Variants in GPHN observed in about 807,000 individuals in gnomAD.
GPHN encodes gephyrin.
Under a neutral mutation model 95.5 loss-of-function variants are expected in GPHN, and 17 were observed. The observed-to-expected ratio is 0.18, with a 90% CI of 0.12 to 0.27. GPHN has a LOEUF of 0.27. GPHN is among the 10% of genes least tolerant of loss of function. GPHN has a pLI of 1.00. For synonymous variants in GPHN, 320 were observed against 322.5 expected (o/e 0.99, Z 0.08); for missense variants, 660 against 978.1 (o/e 0.67, Z 4.34).
chr14:67,282,569 A>G, the GPHN span, among the ~76,000 whole-genome samples: 2 of 152,194 alleles, frequency 1.3e-5, no homozygotes, highest in East Asian at 3.8e-4. Flanking sequence ...TGGAATTGAT[A>G]GAAAATACTC....
At chr14:66,852,406 T>G (rs1437719394) in intron 4 of GPHN, among the ~76,000 whole-genome samples, 1 of 152,246 alleles carries the variant, frequency 6.6e-6, no homozygotes, top group Non-Finnish European at 1.5e-5. Flanking sequence ...CGCGTGCGCG[T>G]GTTCACCTGT....
chr14:66,573,404 G>C (rs2060775291), intron 1 of GPHN, among the ~76,000 whole-genome samples: 2 of 146,744 alleles, frequency 1.4e-5, no homozygotes, highest in South Asian at 2.2e-4. Context: ...ACTTACAATT[G>C]TTATATTTTC....
intron 2 of GPHN, among the ~76,000 whole-genome samples, chr14:66,766,931 C>A (rs1429148808): frequency 6.6e-6 from 1 of 151,848 alleles, no homozygotes; most frequent in Admixed American, 6.6e-5. Flanking sequence ...CCATTATTTC[C>A]CCCCATTTTT....
chr14:67,335,548 T>A, the GPHN span: 2 of 152,686 alleles, frequency 1.3e-5, no homozygotes, highest in African/African-American at 4.8e-5. Context: ...TAATCCAGAT[T>A]TGCTTTCTAT....
At chr14:67,586,265 C>T in the GPHN span, 35 of 1,085,858 alleles carry the variant, frequency 3.2e-5, no homozygotes, top group East Asian at 4.5e-4. Flanking sequence ...GTTGCATCTC[C>T]GTATCAATGT....
At chr14:67,730,861 C>T in the GPHN span, among the ~76,000 whole-genome samples, 1,391 of 152,284 alleles carry the variant, frequency 9.1e-3, 47 homozygotes, top group East Asian at 0.072. Context: ...GCCTTGGCCT[C>T]CTAAAGTGCT....
In GPHN at chr14:66,508,213, T is replaced by A. The variant is rs2057863892; in HGVS notation, c.-315T>A. The A allele has an allele frequency of 3.2e-5, 17 of 524,334 alleles. No individual in the cohort carries two copies. The South Asian group carries it at 3.4e-4, about 11-fold the overall frequency. 32.5% of individuals were successfully genotyped at this position (524,334 alleles called of 1,614,324 possible). A position where few individuals can be genotyped will look rare whatever the true frequency, so the allele number is the denominator to read the frequency against. ...CGCTCCGCAGAGCGTTCCGACACTC[T>A]CCGGCCTCGTTCTGCCGCCTCCGCG... On this transcript the variant is annotated 5_prime_UTR_variant, in exon 1 of 23. Coordinates refer to ENST00000478722, the MANE Select transcript of GPHN (RefSeq NM_020806.5).
At chr14:67,249,304 CAGTAATTGT>C in the GPHN span, among the ~76,000 whole-genome samples, 7 of 152,260 alleles carry the variant, frequency 4.6e-5, no homozygotes, top group African/African-American at 1.7e-4. Context: ...GGAGAAATGA[CAGTAATTGT>C]AGTAATGTAG....
At chr14:67,589,904 C>T in the GPHN span, 56 of 1,269,256 alleles carry the variant, frequency 4.4e-5, no homozygotes, top group Non-Finnish European at 5.2e-5. Flanking sequence ...CTATAATACA[C>T]GGAAATATAC....
chr14:67,329,196 C>A, the GPHN span, among the ~76,000 whole-genome samples: 1 of 152,074 alleles, frequency 6.6e-6, no homozygotes, highest in Non-Finnish European at 1.5e-5. Flanking sequence ...CCTTCACATC[C>A]CTTGTAAGTT....
intron 1 of GPHN, among the ~76,000 whole-genome samples, chr14:66,608,909 A>G (rs1686505032): frequency 6.6e-6 from 1 of 152,150 alleles, no homozygotes; most frequent in South Asian, 2.1e-4. Context: ...TGAAGACAGC[A>G]GACAGTTGGA....
At chr14:67,161,425 G>A (rs1330556666) in intron 19 of GPHN, among the ~76,000 whole-genome samples, 1 of 151,394 alleles carries the variant, frequency 6.6e-6, no homozygotes, top group African/African-American at 2.4e-5. Context: ...TTAGGATACA[G>A]AGGATATCCC....
chr14:67,486,824 C>T, the GPHN span, among the ~76,000 whole-genome samples: 1 of 152,174 alleles, frequency 6.6e-6, no homozygotes, highest in African/African-American at 2.4e-5. Context: ...TAAGACGGCT[C>T]CCGCATGTGA....
chr14:67,089,038 C>T lies in GPHN; in HGVS notation c.1200C>T (p.Pro400=). The change falls in exon 12 of 23, where the codon CCC becomes CCT. Residue 400 remains proline (P), a synonymous_variant. Transcript: ENST00000478722. The part of the protein sequence containing the change: ...QDVYAKDNLP[P]FPASVKDGYA... ...TATATGCAAAAGACAATTTACCCCC[C>T]TTCCCAGCATCAGTAAAAGATGGCT... 1 of 1,604,002 alleles carries T rather than the reference C, an allele frequency of 6.2e-7. No homozygotes were observed. The highest frequency in any genetic ancestry group is 8.5e-7 in the Non-Finnish European group (1 of 1,170,884).
chr14:67,685,150 A>T, the GPHN span: 1 of 1,614,078 alleles, frequency 6.2e-7, no homozygotes, highest in Non-Finnish European at 8.5e-7. Context: ...TGAGTGCCGA[A>T]CCAGTTCAGA....
In GPHN at chr14:66,531,739, A is replaced by G. The variant is rs192765335; in HGVS notation, c.64+23148A>G. 3.0e-3 allele frequency among the ~76,000 whole-genome samples: 458 copies of G among 152,344 alleles called. 2 individuals carry two copies. The highest frequency in any genetic ancestry group is 0.014 in the South Asian group (66 of 4,828). Reference sequence around the variant, plus strand: ...CTTTGCATGGTGTTAGGCTAAAACTACTAAGTATTTATAATGTTATGCTTT... The same window carrying G: ...CTTTGCATGGTGTTAGGCTAAAACTGCTAAGTATTTATAATGTTATGCTTT... On this transcript the variant is annotated intron_variant, in intron 1 of 22. Transcript: ENST00000478722.
At chr14:66,573,760 A>G (rs1220294936) in intron 1 of GPHN, among the ~76,000 whole-genome samples, 1 of 151,848 alleles carries the variant, frequency 6.6e-6, no homozygotes, top group Non-Finnish European at 1.5e-5. Context: ...CAGCCTATAT[A>G]ATGACTTTTT....
chr14:66,971,960 A>C (rs544282855), intron 9 of GPHN, among the ~76,000 whole-genome samples: 3 of 152,168 alleles, frequency 2.0e-5, no homozygotes, highest in Admixed American at 2.0e-4. Flanking sequence ...TCTAAGTTCT[A>C]ATTTATGCTT....
At chr14:67,151,319 A>T (rs2081275275) in intron 18 of GPHN, among the ~76,000 whole-genome samples, 1 of 152,236 alleles carries the variant, frequency 6.6e-6, no homozygotes, top group Non-Finnish European at 1.5e-5. Context: ...CAAAAATCTT[A>T]ATTGATTTGG....
Sources: gnomAD v4.1 joint callset for allele counts (sites outside exome capture counted in the v4.1 genomes callset) on GRCh38, gnomAD v4.1.1 for gene constraint, MANE v1.5 for transcripts, NCBI Gene and HGNC (gene_info 2026-07-23, HGNC 2026-07-21) for gene names.